The following PEPD variants were observed in gnomAD, a reference collection of about 807,000 sequenced individuals.
PEPD encodes the protein xaa-Pro dipeptidase.
In PEPD, 53 loss-of-function variants were observed where a neutral mutation model predicts 60.7. The observed-to-expected ratio is 0.87, with a 90% CI of 0.70 to 1.10. The LOEUF is 1.10. PEPD is among the 50% of genes least tolerant of loss of function. PEPD has a pLI of 0.00. For synonymous variants in PEPD, 267 were observed against 284.1 expected (o/e 0.94, Z 0.60); for missense variants, 711 against 711.9 (o/e 1.00, Z 0.01).
At chr19:33,406,729 CAGG>C (rs1568455033) in intron 11 of PEPD, among the ~76,000 whole-genome samples, 1 of 152,204 alleles carries the variant, frequency 6.6e-6, no homozygotes, top group Non-Finnish European at 1.5e-5. Flanking sequence ...GAGTAGACAG[CAGG>C]AGTAGGCTGG....
At chr19:33,403,146 CA>C (rs1196657952) in intron 11 of PEPD, among the ~76,000 whole-genome samples, 1 of 152,206 alleles carries the variant, frequency 6.6e-6, no homozygotes, top group African/African-American at 2.4e-5. Context: ...CGGAGGGGCG[CA>C]GGTGGTGCCC....
intron 6 of PEPD, among the ~76,000 whole-genome samples, chr19:33,484,624 A>T (rs1455737039): frequency 1.3e-5 from 2 of 152,194 alleles, no homozygotes; most frequent in African/African-American, 4.8e-5. Flanking sequence ...CTAAGGCACA[A>T]GCTTAGGGGA....
At chr19:33,435,552 C>A (rs574522215) in intron 9 of PEPD, among the ~76,000 whole-genome samples, 34 of 152,342 alleles carry the variant, frequency 2.2e-4, no homozygotes, top group African/African-American at 7.9e-4. Flanking sequence ...GAACCAACCC[C>A]CCTCGTTCGG....
chr19:33,454,444 A>T (rs1039949034), intron 9 of PEPD, among the ~76,000 whole-genome samples: 1 of 152,100 alleles, frequency 6.6e-6, no homozygotes, highest in South Asian at 2.1e-4. Flanking sequence ...TCTACTAAAA[A>T]TACAAAAATT....
intron 3 of PEPD, among the ~76,000 whole-genome samples, chr19:33,502,614 A>G (rs1970733209): frequency 6.6e-6 from 1 of 152,112 alleles, no homozygotes; most frequent in Non-Finnish European, 1.5e-5. Context: ...ACTTCACTTT[A>G]GCCTCTGATT....
At chr19:33,496,838 G>A (rs3826903) in intron 4 of PEPD, among the ~76,000 whole-genome samples, 1 of 128,298 alleles carries the variant, frequency 7.8e-6, no homozygotes, top group Non-Finnish European at 1.9e-5. Flanking sequence ...ACAATCAGAG[G>A]CTTCCCACGG....
chr19:33,441,190 G>C (rs183617245), intron 9 of PEPD, among the ~76,000 whole-genome samples: 20 of 152,324 alleles, frequency 1.3e-4, no homozygotes, highest in African/African-American at 4.3e-4. Context: ...AGCCCAGGGA[G>C]CTCAGCCCTG....
At chr19:33,407,190 G>A (rs1000556438) in intron 11 of PEPD, among the ~76,000 whole-genome samples, 2 of 152,224 alleles carry the variant, frequency 1.3e-5, no homozygotes, top group African/African-American at 4.8e-5. Context: ...GGAGGCAGGA[G>A]GAGTGTCCCA....
At chr19:33,474,255 G>A (rs546628157) in intron 7 of PEPD, among the ~76,000 whole-genome samples, 1 of 152,374 alleles carries the variant, frequency 6.6e-6, no homozygotes, top group South Asian at 2.1e-4. Context: ...GCTGCAAGGA[G>A]CAGTGCAAGA....
chr19:33,506,001 A>T (rs1301077760), intron 3 of PEPD, among the ~76,000 whole-genome samples: 1 of 141,632 alleles, frequency 7.1e-6, no homozygotes, highest in African/African-American at 2.7e-5. Context: ...CACATCACTC[A>T]CACACCCTCA....
intron 9 of PEPD, among the ~76,000 whole-genome samples, chr19:33,441,985 T>A (rs545925410): frequency 1.3e-5 from 2 of 152,314 alleles, no homozygotes; most frequent in East Asian, 3.9e-4. Context: ...CATGGAAAAG[T>A]GGAGCACAGG....
chr19:33,390,969 C>G (rs772366189), intron 13 of PEPD, among the ~76,000 whole-genome samples: 18 of 152,270 alleles, frequency 1.2e-4, no homozygotes, highest in Admixed American at 1.1e-3. Context: ...TCACGAAGAC[C>G]TGTCCTTAGC....
chr19:33,419,512 C>T (rs1968965043), intron 9 of PEPD, among the ~76,000 whole-genome samples: 1 of 152,180 alleles, frequency 6.6e-6, no homozygotes, highest in Admixed American at 6.5e-5. Flanking sequence ...GGTCAGGAAA[C>T]CCACTGAATC....
At chr19:33,425,470 G>A (rs1278266828) in intron 9 of PEPD, among the ~76,000 whole-genome samples, 1 of 152,146 alleles carries the variant, frequency 6.6e-6, no homozygotes, top group African/African-American at 2.4e-5. Context: ...TTTCTGGAGG[G>A]GCGAGCAGGG....
chr19:33,489,862 T>C, intron 6 of PEPD, 134 bp downstream of exon 6: 1 of 647,194 alleles, frequency 1.5e-6, no homozygotes, highest in South Asian at 1.9e-5. Context: ...TTCTAAACAT[T>C]TCCTCAAAAT....
At chr19:33,475,956 C>A (rs1334006494) in intron 7 of PEPD, among the ~76,000 whole-genome samples, 1 of 152,184 alleles carries the variant, frequency 6.6e-6, no homozygotes, top group Non-Finnish European at 1.5e-5. Context: ...ACCTCCTGGG[C>A]TCAAGCGATC....
chr19:33,519,756 G>A (rs1971097018), intron 1 of PEPD, among the ~76,000 whole-genome samples: 2 of 152,104 alleles, frequency 1.3e-5, no homozygotes, highest in South Asian at 2.1e-4. Context: ...CCAGAGAATC[G>A]GTTCTGCTAG....
intron 12 of PEPD, among the ~76,000 whole-genome samples, chr19:33,395,471 G>A (rs573765892): frequency 6.6e-6 from 1 of 152,304 alleles, no homozygotes; most frequent in Admixed American, 6.5e-5. Context: ...CTCTAGGTTA[G>A]TGTCCCATCA....
chr19:33,428,654 G>GC (rs1265879156), intron 9 of PEPD, among the ~76,000 whole-genome samples: 4 of 152,108 alleles, frequency 2.6e-5, no homozygotes, highest in Non-Finnish European at 1.5e-5. Context: ...ACCACCAAAA[G>GC]CCCTCTGTAG....
Sources: gnomAD v4.1 joint callset for allele counts (sites outside exome capture counted in the v4.1 genomes callset) on GRCh38, gnomAD v4.1.1 for gene constraint, MANE v1.5 for transcripts, NCBI Gene and HGNC (gene_info 2026-07-23, HGNC 2026-07-21) for gene names.